The following TENM4 variants were observed in gnomAD, a reference collection of about 807,000 sequenced individuals.
TENM4 encodes teneurin-4.
A neutral mutation model predicts 243.3 loss-of-function variants in TENM4; 82 were observed. The ratio of observed to expected loss-of-function variants is 0.34; its 90% CI spans 0.28 to 0.40. The LOEUF (loss-of-function observed/expected upper bound fraction) is 0.40. Ranked by LOEUF, TENM4 falls within the 10% of genes least tolerant of loss-of-function variation. The pLI is 1.00. For missense variants in TENM4, 3,138 were observed against 3,673.3 expected, an observed-to-expected ratio of 0.85 and a Z score of 3.77; for synonymous variants, 1,412 against 1,456.3, an observed-to-expected ratio of 0.97 and a Z score of 0.69.
At chr11:78,991,188 T>A (rs1350054382) in intron 6 of TENM4, among the ~76,000 whole-genome samples, 1 of 152,192 alleles carries the variant, frequency 6.6e-6, no homozygotes, top group Non-Finnish European at 1.5e-5. Context: ...ATGCTAAGAC[T>A]GTCCTGCCCA....
At chr11:79,132,187 A>G (rs1359175693) in intron 4 of TENM4, among the ~76,000 whole-genome samples, 4 of 141,490 alleles carry the variant, frequency 2.8e-5, no homozygotes, top group Admixed American at 1.4e-4. Context: ...CTAAAAATAC[A>G]AAAAAAAAAT....
intron 2 of TENM4, among the ~76,000 whole-genome samples, chr11:79,228,525 C>A (rs914902156): frequency 6.6e-6 from 1 of 152,148 alleles, no homozygotes; most frequent in East Asian, 1.9e-4. Context: ...TCCCCACCCA[C>A]CTTCTCAGAC....
intron 25 of TENM4, among the ~76,000 whole-genome samples, chr11:78,716,400 C>A (rs1313278175): frequency 6.6e-6 from 1 of 152,148 alleles, no homozygotes; most frequent in African/African-American, 2.4e-5. Flanking sequence ...ACCAATTAAA[C>A]TTTTCTGTTT....
chr11:79,051,220 C>A (rs1430772584), intron 6 of TENM4, among the ~76,000 whole-genome samples: 3 of 152,194 alleles, frequency 2.0e-5, no homozygotes, highest in Non-Finnish European at 4.4e-5. Flanking sequence ...AACTTTCTTA[C>A]CTCATTTAAT....
chr11:78,898,624 G>A (rs529165326), intron 7 of TENM4, among the ~76,000 whole-genome samples: 2 of 152,166 alleles, frequency 1.3e-5, no homozygotes, highest in African/African-American at 4.8e-5. Context: ...TGCTGTACCA[G>A]GTCTTCCAGG....
At chr11:79,355,378 C>T (rs1400465359) in intron 1 of TENM4, among the ~76,000 whole-genome samples, 2 of 152,098 alleles carry the variant, frequency 1.3e-5, no homozygotes, top group Non-Finnish European at 2.9e-5. Flanking sequence ...ACTAAAAACA[C>T]AAAAATTAGC....
chr11:78,977,125 C>T (rs866146078), intron 6 of TENM4, among the ~76,000 whole-genome samples: 3 of 152,194 alleles, frequency 2.0e-5, no homozygotes, highest in Non-Finnish European at 4.4e-5. Flanking sequence ...TTGCTGTCAT[C>T]TCTGGCATTC....
Position 78,670,158 on chromosome 11 carries a change from G to A in TENM4, c.6187C>T (p.Leu2063=), listed in dbSNP as rs765332754. The A allele has an allele frequency of 3.7e-6, 6 of 1,613,962 alleles. No individual in the cohort carries two copies. The South Asian group carries it at 6.6e-5, about 18-fold the overall frequency. ...CTIRYRQIGP[L]IDRQIFRFTE... is the part of the protein sequence containing the mutation. The stretch of plus-strand genomic sequence containing the variant: ...AAGCGGAAGATCTGTCGGTCAATCA[G>A]GGGCCCAATCTGACGGTAGCGGATG... The change falls in exon 32 of 34, where the codon CTG becomes TTG. Residue 2063 remains leucine (L), a synonymous_variant. Coordinates refer to ENST00000278550, the MANE Select transcript of TENM4 (RefSeq NM_001098816.3).
At chr11:79,024,497 T>C (rs111900794) in intron 6 of TENM4, among the ~76,000 whole-genome samples, 18 of 152,348 alleles carry the variant, frequency 1.2e-4, no homozygotes, top group Admixed American at 7.8e-4. Context: ...TGTAACTCAA[T>C]GGAAAAGTCA....
intron 2 of TENM4, among the ~76,000 whole-genome samples, chr11:79,267,762 A>G (rs1855905791): frequency 6.6e-6 from 1 of 152,242 alleles, no homozygotes; most frequent in African/African-American, 2.4e-5. Flanking sequence ...TGTTGAAAAC[A>G]AAAAGATTAT....
At chr11:78,787,923 C>A (rs564341507) in intron 15 of TENM4, among the ~76,000 whole-genome samples, 4 of 152,284 alleles carry the variant, frequency 2.6e-5, no homozygotes, top group South Asian at 4.1e-4. Flanking sequence ...CTGCAGGGAG[C>A]GGTGGTAAAG....
At chr11:78,933,795 T>G (rs897296115) in intron 6 of TENM4, among the ~76,000 whole-genome samples, 1 of 152,150 alleles carries the variant, frequency 6.6e-6, no homozygotes, top group Non-Finnish European at 1.5e-5. Context: ...AATACCTGCC[T>G]CTGGAGAAGA....
chr11:78,770,935 A>C (rs1313576482), intron 18 of TENM4, 57 bp downstream of exon 18: 1 of 1,546,398 alleles, frequency 6.5e-7, no homozygotes, highest in East Asian at 2.4e-5. Flanking sequence ...TCCATTCTCC[A>C]CTCTGGGCCT....
intron 6 of TENM4, among the ~76,000 whole-genome samples, chr11:78,954,889 C>T (rs1857177504): frequency 1.3e-5 from 2 of 152,216 alleles, no homozygotes; most frequent in African/African-American, 4.8e-5. Context: ...ACTGCTCAGA[C>T]TAGAAAGCCG....
At chr11:78,996,381 G>A (rs1487299487) in intron 6 of TENM4, among the ~76,000 whole-genome samples, 2 of 152,100 alleles carry the variant, frequency 1.3e-5, no homozygotes, top group African/African-American at 2.4e-5. Flanking sequence ...CCCTGTGAAG[G>A]CACAGAACAC....
At chr11:79,265,140 A>C (rs1855862051) in intron 2 of TENM4, among the ~76,000 whole-genome samples, 1 of 152,184 alleles carries the variant, frequency 6.6e-6, no homozygotes, top group African/African-American at 2.4e-5. Flanking sequence ...GACAGATCTC[A>C]GTTCCTTTTA....
intron 9 of TENM4, 57 bp from the exon 10 acceptor site, chr11:78,863,189 C>T (rs1360905494): frequency 2.8e-6 from 4 of 1,432,398 alleles, no homozygotes; most frequent in Non-Finnish European, 3.7e-6. Context: ...AACGGGACTC[C>T]CAAGCCATAA....
At chr11:78,684,742 C>G (rs917716197) in intron 29 of TENM4, among the ~76,000 whole-genome samples, 12 of 152,206 alleles carry the variant, frequency 7.9e-5, no homozygotes, top group African/African-American at 2.7e-4. Flanking sequence ...ATGCAGAAAA[C>G]AGAGACAATA....
chr11:78,815,751 G>A (rs1857592672), intron 12 of TENM4, among the ~76,000 whole-genome samples: 1 of 152,198 alleles, frequency 6.6e-6, no homozygotes, highest in Non-Finnish European at 1.5e-5. Flanking sequence ...CACCAAATCT[G>A]ACAAGTACAT....
Sources: allele counts gnomAD v4.1 joint callset (sites outside exome capture counted in the v4.1 genomes callset), GRCh38; gene constraint gnomAD v4.1.1; transcripts MANE v1.5; gene names NCBI Gene and HGNC (gene_info 2026-07-23, HGNC 2026-07-21).